The following TTC7A variants were observed in gnomAD, a reference collection of about 807,000 sequenced individuals.
The protein encoded by TTC7A is tetratricopeptide repeat domain 7A.
Under a neutral mutation model 103.7 loss-of-function variants are expected in TTC7A, and 110 were observed. The ratio of observed to expected loss-of-function variants is 1.06; its 90% CI spans 0.91 to 1.24. TTC7A has a LOEUF of 1.24. Ranked by LOEUF, TTC7A falls within the 50% of genes most tolerant of loss-of-function variation. The pLI, the probability that TTC7A is intolerant of heterozygous loss-of-function variation, is 0.00. For synonymous variants in TTC7A, 521 were observed against 467.9 expected, an observed-to-expected ratio of 1.11 and a Z score of -1.47; for missense variants, 1,340 against 1,116.3, an observed-to-expected ratio of 1.20 and a Z score of -2.86.
At chr2:46,963,307 A>G (rs937158687) in intron 3 of TTC7A, among the ~76,000 whole-genome samples, 24 of 152,238 alleles carry the variant, frequency 1.6e-4, no homozygotes, top group African/African-American at 5.5e-4. Context: ...AGAGGCTGCC[A>G]GGAGTGCTGC....
At chr2:46,947,222 C>G (rs975168876) in intron 1 of TTC7A, among the ~76,000 whole-genome samples, 1 of 151,928 alleles carries the variant, frequency 6.6e-6, no homozygotes, top group Admixed American at 6.6e-5. Flanking sequence ...TGGCTGTGAC[C>G]CTAACAATAT....
intron 8 of TTC7A, among the ~76,000 whole-genome samples, chr2:47,004,174 A>T (rs2104443967): frequency 6.6e-6 from 1 of 152,246 alleles, no homozygotes; most frequent in Non-Finnish European, 1.5e-5. Context: ...ATCTAAGTCC[A>T]TGGGGGCATG....
At chr2:46,937,246 A>G (rs907474856), upstream of TTC7A, among the ~76,000 whole-genome samples, 139 of 152,158 alleles carry the variant, frequency 9.1e-4, 1 homozygote, top group African/African-American at 3.2e-3. This position sits in a 1 kb window ranked among gnomAD's most constrained non-coding sequence, Gnocchi z 4.0. Context: ...CCCTGCCCCA[A>G]TATCACAGCT....
At chr2:47,054,036 C>A in intron 18 of TTC7A, 1 of 886,124 alleles carries the variant, frequency 1.1e-6, no homozygotes, top group Non-Finnish European at 1.4e-6. Context: ...AAGAGAAACA[C>A]ATGCCTTTCA....
intron 18 of TTC7A, among the ~76,000 whole-genome samples, chr2:47,053,117 C>T (rs1683008364): frequency 6.6e-6 from 1 of 152,130 alleles, no homozygotes; most frequent in African/African-American, 2.4e-5. Context: ...CATGGGAGCA[C>T]TTTAACAATG....
chr2:46,953,650 TC>T (rs1671594959), intron 2 of TTC7A, among the ~76,000 whole-genome samples: 1 of 152,054 alleles, frequency 6.6e-6, no homozygotes, highest in African/African-American at 2.4e-5. Context: ...TGGTTATCTC[TC>T]TAAGACCCCG....
intron 8 of TTC7A, among the ~76,000 whole-genome samples, chr2:47,003,243 C>T (rs987160709): frequency 2.0e-5 from 3 of 152,152 alleles, no homozygotes; most frequent in African/African-American, 7.2e-5. Context: ...GGAGTCTAGC[C>T]ATGAGCAAGA....
chr2:47,065,921 G>A (rs1200810688), intron 19 of TTC7A: 1 of 152,218 alleles, frequency 6.6e-6, no homozygotes, highest in African/African-American at 2.4e-5. Flanking sequence ...TGGAGAGGAG[G>A]AGTTTCCTGG....
chr2:46,999,697 C>A, intron 8 of TTC7A: 2 of 985,428 alleles, frequency 2.0e-6, no homozygotes, highest in African/African-American at 1.7e-5. Flanking sequence ...ATCAAACCAG[C>A]CTGATTTTCT....
At chr2:46,945,173 G>C (rs1364229914) in intron 1 of TTC7A, among the ~76,000 whole-genome samples, 2 of 151,610 alleles carry the variant, frequency 1.3e-5, no homozygotes, top group African/African-American at 4.9e-5. Context: ...TACTCTCATA[G>C]TTCACTTCAC....
chr2:47,008,052 C>T (rs972988720), intron 10 of TTC7A, among the ~76,000 whole-genome samples: 2 of 152,140 alleles, frequency 1.3e-5, no homozygotes, highest in Non-Finnish European at 2.9e-5. Flanking sequence ...TTGAAGGCAC[C>T]GGTCAGCCTG....
At chr2:46,951,536 C>A (rs1046657146) in intron 2 of TTC7A, 5 of 442,460 alleles carry the variant, frequency 1.1e-5, no homozygotes, top group African/African-American at 2.1e-5. Flanking sequence ...TCCCTTCCTT[C>A]CTTGCTTCCT....
chr2:47,060,707 G>T lies in TTC7A; in HGVS notation c.2153-62G>T, dbSNP rs1041067215. On this transcript the variant is annotated intron_variant, in intron 18 of 19. Coordinates refer to ENST00000319190, the MANE Select transcript of TTC7A (RefSeq NM_020458.4). Reference sequence around the variant, plus strand: ...TCCCTGGCTCTGAGGATGCAGGGAGGGGGTCAGGATGCCTCTGACTCCCCA... The same window carrying T: ...TCCCTGGCTCTGAGGATGCAGGGAGTGGGTCAGGATGCCTCTGACTCCCCA... 42 of 1,491,188 alleles carry T rather than the reference G, an allele frequency of 2.8e-5. 1 individual carries two copies. The highest frequency in any genetic ancestry group is 2.5e-4 in the East Asian group (11 of 43,810). 92.4% of individuals were successfully genotyped at this position (1,491,188 alleles called of 1,614,324 possible). A position where few individuals can be genotyped will look rare whatever the true frequency, so the allele number is the denominator to read the frequency against.
chr2:47,070,411 G>A (rs368762235), intron 19 of TTC7A, among the ~76,000 whole-genome samples: 34 of 152,374 alleles, frequency 2.2e-4, no homozygotes, highest in African/African-American at 8.2e-4. Flanking sequence ...CTGTGTGTGT[G>A]TGGGTGTCTC....
intron 15 of TTC7A, among the ~76,000 whole-genome samples, chr2:47,045,024 A>G (rs1036663139): frequency 6.6e-6 from 1 of 152,282 alleles, no homozygotes; most frequent in African/African-American, 2.4e-5. Flanking sequence ...CCTGTGTGCT[A>G]CCCTCAGGTG....
chr2:47,060,945 G>A lies in TTC7A; in HGVS notation c.2329G>A (p.Asp777Asn). Reference protein sequence around the residue: ...LYKEALTVNPDGVRIMHSLGL... With the variant: ...LYKEALTVNPNGVRIMHSLGL... Reference sequence around the variant, plus strand: ...CAAGGAGGCGCTCACGGTGAACCCAGATGGCGTGCGCATCATGCATAGCCT... The same window carrying A: ...CAAGGAGGCGCTCACGGTGAACCCAAATGGCGTGCGCATCATGCATAGCCT... The change falls in exon 19 of 20, where the codon GAT (aspartate) becomes AAT (asparagine). Residue 777 changes from aspartate to asparagine, a missense_variant. Asp to Asn is a conservative substitution (Grantham distance 23). Transcript: ENST00000319190. 1 of 1,613,638 alleles carries A rather than the reference G, an allele frequency of 6.2e-7. No homozygotes were observed. Among genetic ancestry groups the A allele is most frequent in the African/African-American group, 1.3e-5 (1 of 75,030 alleles).
intron 19 of TTC7A, among the ~76,000 whole-genome samples, chr2:47,061,714 G>T (rs1683796686): frequency 6.6e-6 from 1 of 152,284 alleles, no homozygotes; most frequent in East Asian, 1.9e-4. Context: ...GATATCCTCT[G>T]GTCCAGGCAA....
At chr2:47,008,967 T>C (rs1485948790) in intron 10 of TTC7A, among the ~76,000 whole-genome samples, 1 of 151,064 alleles carries the variant, frequency 6.6e-6, no homozygotes, top group Non-Finnish European at 1.5e-5. Context: ...ATAGCAGCGT[T>C]TTTTGGTGTA....
chr2:46,962,119 G>A (rs1481628464), intron 3 of TTC7A, among the ~76,000 whole-genome samples: 1 of 152,094 alleles, frequency 6.6e-6, no homozygotes, highest in East Asian at 1.9e-4. Flanking sequence ...CTCCTTTCCT[G>A]AAGCCCCACC....
Sources: gnomAD v4.1 joint callset for allele counts (sites outside exome capture counted in the v4.1 genomes callset) on GRCh38, gnomAD v4.1.1 for gene constraint, Gnocchi (gnomAD v3.1) non-coding constraint, MANE v1.5 for transcripts, NCBI Gene and HGNC (gene_info 2026-07-23, HGNC 2026-07-21) for gene names.